Variants in SNX29 observed in about 807,000 individuals in gnomAD.
SNX29 encodes sorting nexin 29, also known as sorting nexin-29.
Under a neutral mutation model 102.1 loss-of-function variants are expected in SNX29, and 78 were observed. The ratio of observed to expected loss-of-function variants is 0.76; its 90% CI spans 0.64 to 0.92. The LOEUF is 0.92. Ranked by LOEUF, SNX29 falls within the 40% of genes least tolerant of loss-of-function variation. The pLI is 0.00. For synonymous variants in SNX29, 580 were observed against 414.5 expected, an observed-to-expected ratio of 1.40 and a Z score of -4.85; for missense variants, 1,280 against 1,061.7, an observed-to-expected ratio of 1.21 and a Z score of -2.86.
chr16:12,106,858 C>T (rs563507668), intron 11 of SNX29, among the ~76,000 whole-genome samples: 1 of 152,176 alleles, frequency 6.6e-6, no homozygotes, highest in African/African-American at 2.4e-5. Context: ...CTCTGTCACC[C>T]AGGCTGCAGT....
At chr16:11,979,665 C>A (rs1026515114) in intron 1 of SNX29, among the ~76,000 whole-genome samples, 9 of 152,166 alleles carry the variant, frequency 5.9e-5, no homozygotes, top group Middle Eastern at 3.2e-3. Context: ...CTTACTGCAA[C>A]CTTCGCCTCC....
chr16:12,362,419 A>G (rs563663001), intron 16 of SNX29, among the ~76,000 whole-genome samples: 4 of 152,216 alleles, frequency 2.6e-5, no homozygotes, highest in East Asian at 1.9e-4. Context: ...TGCTGCAGGA[A>G]TATCCCTTTT....
intron 5 of SNX29, among the ~76,000 whole-genome samples, chr16:12,044,709 G>A (rs1305730392): frequency 4.6e-5 from 7 of 152,140 alleles, no homozygotes; most frequent in South Asian, 2.1e-4. Context: ...CTCCCGAGTA[G>A]CTGGGTCTGC....
At chr16:12,302,567 C>G (rs895152421) in intron 15 of SNX29, among the ~76,000 whole-genome samples, 1 of 152,178 alleles carries the variant, frequency 6.6e-6, no homozygotes, top group African/African-American at 2.4e-5. Flanking sequence ...GACAGGGGGT[C>G]TCTGGGGCCT....
At chr16:12,366,681 C>T (rs1312171776) in intron 16 of SNX29, among the ~76,000 whole-genome samples, 1 of 152,202 alleles carries the variant, frequency 6.6e-6, no homozygotes, top group South Asian at 2.1e-4. Flanking sequence ...CTCTTATATT[C>T]TGCATTTTCT....
chr16:12,510,438 C>G (rs1456817779), intron 19 of SNX29, among the ~76,000 whole-genome samples: 1 of 152,118 alleles, frequency 6.6e-6, no homozygotes, highest in Non-Finnish European at 1.5e-5. Flanking sequence ...CTTTGGGAGG[C>G]TGAGGCGGGT....
At chr16:12,537,327 CTG>C (rs2077121439) in intron 20 of SNX29, among the ~76,000 whole-genome samples, 1 of 152,214 alleles carries the variant, frequency 6.6e-6, no homozygotes, top group Admixed American at 6.5e-5. Context: ...AGCCAAAGCT[CTG>C]TTAGTAAATT....
At chr16:12,456,940 CTG>C (rs1392852614) in intron 18 of SNX29, among the ~76,000 whole-genome samples, 18 of 152,146 alleles carry the variant, frequency 1.2e-4, no homozygotes, top group African/African-American at 4.3e-4. Flanking sequence ...AGAGAGAACA[CTG>C]TGCATCTCAG....
At chr16:12,347,974 G>A (rs887912704) in intron 15 of SNX29, among the ~76,000 whole-genome samples, 1 of 152,044 alleles carries the variant, frequency 6.6e-6, no homozygotes, top group Non-Finnish European at 1.5e-5. Context: ...AGCTACTTGG[G>A]AGGCTGAGAC....
At position 12,572,981 on chromosome 16, in the gene SNX29, CATTA is replaced by C. The variant is rs1396033541; in HGVS notation, c.*4356_*4359del. The C allele has an allele frequency of 2.4e-6, 1 of 415,610 alleles. No homozygotes were observed. Among genetic ancestry groups the C allele is most frequent in the African/African-American group, 2.1e-5 (1 of 48,468 alleles). The allele number at this position is 415,610 out of a possible 1,614,324, so 25.7% of individuals were successfully genotyped here. On this transcript the variant is annotated 3_prime_UTR_variant, in exon 21 of 21. Coordinates refer to ENST00000566228, the MANE Select transcript of SNX29 (RefSeq NM_032167.5). ...GTCAAAGATTTTTCAAAATATTGTG[CATTA>C]ATTCATTAAAGCTACTGTTAAATAT...
chr16:12,257,403 C>CT (rs2078605933), intron 14 of SNX29, among the ~76,000 whole-genome samples: 1 of 152,180 alleles, frequency 6.6e-6, no homozygotes. Flanking sequence ...GTCTGTAACT[C>CT]TAATTATATC....
chr16:12,539,668 C>A (rs141618841), intron 20 of SNX29, among the ~76,000 whole-genome samples: 1 of 152,146 alleles, frequency 6.6e-6, no homozygotes, highest in African/African-American at 2.4e-5. Context: ...TATGAGGGGC[C>A]CAGTTGCTCT....
chr16:12,374,932 A>G (rs1567495862), intron 16 of SNX29: 1 of 152,144 alleles, frequency 6.6e-6, no homozygotes, highest in East Asian at 1.9e-4. Context: ...AGTGATACAT[A>G]CTTTCCTTTT....
At chr16:12,471,635 C>A (rs1260749721) in intron 18 of SNX29, among the ~76,000 whole-genome samples, 1 of 152,240 alleles carries the variant, frequency 6.6e-6, no homozygotes, top group East Asian at 1.9e-4. Context: ...GCTTAGACAT[C>A]CCTGCCCCAC....
intron 13 of SNX29, among the ~76,000 whole-genome samples, chr16:12,163,537 G>C (rs76205361): frequency 1.2e-3 from 181 of 152,264 alleles, no homozygotes; most frequent in Middle Eastern, 3.4e-3. Context: ...ATGCAGCACC[G>C]ATGAATTCAC....
At chr16:12,475,978 T>C (rs374977670) in intron 18 of SNX29, among the ~76,000 whole-genome samples, 1 of 152,098 alleles carries the variant, frequency 6.6e-6, no homozygotes. Context: ...CAAGGGAAGT[T>C]TGGACTTTTA....
At chr16:11,987,690 T>G (rs1273501031) in intron 1 of SNX29, among the ~76,000 whole-genome samples, 1 of 152,142 alleles carries the variant, frequency 6.6e-6, no homozygotes, top group Non-Finnish European at 1.5e-5. Flanking sequence ...CCAGCATGCC[T>G]GATTCTGACT....
At chr16:12,486,649 A>C (rs915613856) in intron 19 of SNX29, among the ~76,000 whole-genome samples, 1 of 152,236 alleles carries the variant, frequency 6.6e-6, no homozygotes, top group Non-Finnish European at 1.5e-5. Flanking sequence ...TGGAGGCTGG[A>C]CGGGCAGAAT....
chr16:12,267,491 T>C (rs895548193), intron 14 of SNX29, among the ~76,000 whole-genome samples: 5 of 152,190 alleles, frequency 3.3e-5, no homozygotes, highest in Admixed American at 3.3e-4. Context: ...GGCTGTGATG[T>C]GCTCCTGGGG....
Sources: allele counts gnomAD v4.1 joint callset (sites outside exome capture counted in the v4.1 genomes callset), GRCh38; gene constraint gnomAD v4.1.1; transcripts MANE v1.5; gene names NCBI Gene and HGNC (gene_info 2026-07-23, HGNC 2026-07-21).